Variants in PLAAT1 observed in about 807,000 individuals in gnomAD.
PLAAT1 encodes H-REV107 protein-related protein.
In PLAAT1, 13 loss-of-function variants were observed where a neutral mutation model predicts 16.4. The observed-to-expected ratio is 0.79, with a 90% CI of 0.52 to 1.26. The LOEUF (loss-of-function observed/expected upper bound fraction) is 1.26. PLAAT1 is among the 50% of genes most tolerant of loss of function. PLAAT1 has a pLI of 0.00. For missense variants in PLAAT1, 218 were observed against 207.8 expected, an observed-to-expected ratio of 1.05 and a Z score of -0.30; for synonymous variants, 73 against 78.4, an observed-to-expected ratio of 0.93 and a Z score of 0.36.
chr3:193,265,319 G>A (rs77003884), intron 3 of PLAAT1, among the ~76,000 whole-genome samples: 1,604 of 152,230 alleles, frequency 0.011, 54 homozygotes, highest in East Asian at 0.072. Flanking sequence ...AAGAAATGAA[G>A]TACTCATACA....
chr3:193,250,229 G>A (rs142724945), intron 1 of PLAAT1, among the ~76,000 whole-genome samples: 50 of 152,000 alleles, frequency 3.3e-4, no homozygotes, highest in Admixed American at 8.5e-4. Flanking sequence ...GTCCCCCACC[G>A]CCAACCCAAA....
rs572900852 is a variant in PLAAT1, at chr3:193,256,572, A to T, written c.139+783A>T. ...AAAATTTCAACTTTCTGGCCTAGGAATTGTAAAATAAACCAATAAAATATT... is the reference window on the plus strand; with the variant it reads ...AAAATTTCAACTTTCTGGCCTAGGATTTGTAAAATAAACCAATAAAATATT... On this transcript the variant is annotated intron_variant, in intron 2 of 3. Transcript: ENST00000264735. 2.0e-5 allele frequency among the ~76,000 whole-genome samples: 3 copies of T among 152,352 alleles called. No individual in the cohort carries two copies. In the East Asian group the frequency reaches 5.8e-4, roughly 29 times the overall value.
chr3:193,269,970 ATTTG>A (rs1308963851), intron 3 of PLAAT1, among the ~76,000 whole-genome samples: 4 of 152,080 alleles, frequency 2.6e-5, no homozygotes, highest in African/African-American at 7.2e-5. Flanking sequence ...TTTTTTTGAA[ATTTG>A]TTTATCAGAA....
downstream of PLAAT1, chr3:193,279,556 A>G: frequency 2.4e-6 from 2 of 816,856 alleles, no homozygotes; most frequent in Non-Finnish European, 4.1e-6. Context: ...AATACCAGAT[A>G]TATCTTCAGA....
chr3:193,276,886 G>T (rs997666679), intron 2 of PLAAT1: 22 of 1,221,864 alleles, frequency 1.8e-5, no homozygotes, highest in Non-Finnish European at 2.2e-5. Flanking sequence ...TTTGAAAAAA[G>T]ACCATATTAA....
At chr3:193,247,161 C>T (rs112398770) in intron 1 of PLAAT1, among the ~76,000 whole-genome samples, 10 of 152,172 alleles carry the variant, frequency 6.6e-5, no homozygotes, top group African/African-American at 2.4e-4. Flanking sequence ...TAGTAGTCTT[C>T]TATGATCCTT....
At chr3:193,274,173 G>A (rs1717079090), downstream of PLAAT1, among the ~76,000 whole-genome samples, 1 of 152,086 alleles carries the variant, frequency 6.6e-6, no homozygotes, top group African/African-American at 2.4e-5. Flanking sequence ...AATCTGGGAG[G>A]CGGAGGTTGC....
At chr3:193,255,331 A>G (rs1225491172) in intron 1 of PLAAT1, among the ~76,000 whole-genome samples, 1 of 152,144 alleles carries the variant, frequency 6.6e-6, no homozygotes, top group African/African-American at 2.4e-5. Flanking sequence ...TGTGTAAGTT[A>G]TATTATCCAG....
At chr3:193,269,718 A>G (rs990958169) in intron 3 of PLAAT1, among the ~76,000 whole-genome samples, 1 of 152,224 alleles carries the variant, frequency 6.6e-6, no homozygotes, top group Non-Finnish European at 1.5e-5. Flanking sequence ...GTACTTGATA[A>G]TTCTGAAGTG....
At chr3:193,276,899 A>C (rs1444706326) in intron 2 of PLAAT1, 1 of 1,130,392 alleles carries the variant, frequency 8.8e-7, no homozygotes, top group African/African-American at 1.6e-5. Context: ...CATATTAATT[A>C]TTTAATTTAT....
intron 1 of PLAAT1, among the ~76,000 whole-genome samples, chr3:193,242,470 C>T (rs888124824): frequency 5.3e-4 from 81 of 151,974 alleles, no homozygotes; most frequent in African/African-American, 1.9e-3. Context: ...TGGAAATGGG[C>T]ATTCTGGGTA....
intron 3 of PLAAT1, among the ~76,000 whole-genome samples, chr3:193,264,530 G>A (rs1383896080): frequency 2.0e-5 from 3 of 149,472 alleles, no homozygotes; most frequent in South Asian, 2.1e-4. Flanking sequence ...TTTAGATGGA[G>A]CCTTGCTCTG....
chr3:193,272,867 C>T (rs1717030479), downstream of PLAAT1, among the ~76,000 whole-genome samples: 1 of 152,144 alleles, frequency 6.6e-6, no homozygotes, highest in Non-Finnish European at 1.5e-5. Flanking sequence ...TTGATGATGG[C>T]CAGCTTAAGA....
chr3:193,267,834 C>G (rs1439167641), intron 3 of PLAAT1, among the ~76,000 whole-genome samples: 1 of 152,194 alleles, frequency 6.6e-6, no homozygotes, highest in Admixed American at 6.5e-5. Flanking sequence ...GCACTCTCAG[C>G]AATGAGAGTT....
At chr3:193,279,813 T>G (rs1383839597), downstream of PLAAT1, among the ~76,000 whole-genome samples, 3 of 151,878 alleles carry the variant, frequency 2.0e-5, no homozygotes, top group Non-Finnish European at 4.4e-5. Context: ...AGAATAAAGT[T>G]CAGGGATCCT....
At chr3:193,277,122 G>A (rs1434075263) in intron 2 of PLAAT1, among the ~76,000 whole-genome samples, 1 of 152,164 alleles carries the variant, frequency 6.6e-6, no homozygotes, top group Non-Finnish European at 1.5e-5. Context: ...CATTTTGGAG[G>A]CTATGTGTCT....
At chr3:193,259,292 G>T (rs953663539) in intron 2 of PLAAT1, among the ~76,000 whole-genome samples, 2 of 151,872 alleles carry the variant, frequency 1.3e-5, no homozygotes, top group African/African-American at 4.8e-5. Context: ...ATACTGAATG[G>T]GCCATTCCCC....
At chr3:193,256,445 G>C (rs1041031752) in intron 2 of PLAAT1, among the ~76,000 whole-genome samples, 26 of 152,106 alleles carry the variant, frequency 1.7e-4, no homozygotes, top group African/African-American at 6.3e-4. Context: ...TAGTATCCCA[G>C]GTCAAGGGGA....
At chr3:193,264,608 A>G (rs1289614563) in intron 3 of PLAAT1, among the ~76,000 whole-genome samples, 1 of 151,578 alleles carries the variant, frequency 6.6e-6, no homozygotes, top group Non-Finnish European at 1.5e-5. Context: ...GGTTCAGGCT[A>G]TTCTCCTGCT....
Sources: gnomAD v4.1 joint callset for allele counts (sites outside exome capture counted in the v4.1 genomes callset) on GRCh38, gnomAD v4.1.1 for gene constraint, MANE v1.5 for transcripts, NCBI Gene and HGNC (gene_info 2026-07-23, HGNC 2026-07-21) for gene names.